Variants in FOXJ3 observed in about 807,000 individuals in gnomAD.
FOXJ3 encodes forkhead box protein J3.
Under a neutral mutation model 76.1 loss-of-function variants are expected in FOXJ3, and 22 were observed. That is an observed-to-expected ratio of 0.29 (90% CI 0.21 to 0.41). FOXJ3 has a LOEUF of 0.41. Among genes scored for constraint, FOXJ3 ranks in the 10% least tolerant of loss-of-function variants. The probability of loss-of-function intolerance (pLI) is 1.00; values close to 1 mark genes in which losing one functional copy is unlikely to be tolerated. For synonymous variants in FOXJ3, 269 were observed against 261.2 expected, an observed-to-expected ratio of 1.03 and a Z score of -0.29; for missense variants, 613 against 762.1, an observed-to-expected ratio of 0.80 and a Z score of 2.30.
At chr1:42,264,998 G>C (rs1328883493) in intron 4 of FOXJ3, 117 bp downstream of exon 4, 7 of 767,946 alleles carry the variant, frequency 9.1e-6, no homozygotes, top group South Asian at 5.6e-5. Flanking sequence ...AGAGCAGGGT[G>C]GGGGAGGACT....
intron 4 of FOXJ3, 84 bp from the exon 5 acceptor site, chr1:42,228,050 A>G: frequency 1.6e-6 from 1 of 629,794 alleles, no homozygotes; most frequent in East Asian, 3.1e-5. Flanking sequence ...TTGCATCAAA[A>G]GCAAACATTC....
At chr1:42,323,731 A>G (rs1372358987) in intron 1 of FOXJ3, 1 of 969,578 alleles carries the variant, frequency 1.0e-6, no homozygotes, top group African/African-American at 1.8e-5. Flanking sequence ...ATGCACAGGT[A>G]CTCAAGAGAT....
At chr1:42,323,768 A>T (rs1655569270) in intron 1 of FOXJ3, 28 of 733,930 alleles carry the variant, frequency 3.8e-5, no homozygotes, top group Non-Finnish European at 4.3e-5. Flanking sequence ...CCTTCAAATA[A>T]TTGAAGGATT....
chr1:42,235,074 T>C (rs906161924), intron 4 of FOXJ3, among the ~76,000 whole-genome samples: 3 of 152,308 alleles, frequency 2.0e-5, no homozygotes, highest in East Asian at 3.9e-4. Flanking sequence ...CCTGGCCGCT[T>C]TGTTTACCTA....
At chr1:42,311,013 A>G (rs202092582) in intron 2 of FOXJ3, 37 bp downstream of exon 2, 21 of 1,317,984 alleles carry the variant, frequency 1.6e-5, no homozygotes, top group Non-Finnish European at 1.9e-5. Context: ...TTAAAATGTT[A>G]TATGTTCTAA....
chr1:42,244,355 A>C (rs1649374551), intron 4 of FOXJ3, among the ~76,000 whole-genome samples: 1 of 152,200 alleles, frequency 6.6e-6, no homozygotes, highest in South Asian at 2.1e-4. Flanking sequence ...TCTCTAAAAG[A>C]ATATTTAAAA....
chr1:42,280,462 A>AAAC (rs1553166269), intron 2 of FOXJ3: 2 of 944,268 alleles, frequency 2.1e-6, no homozygotes, highest in Non-Finnish European at 2.5e-6. Context: ...AAAAAAAAAA[A>AAAC]AAAACTTACT....
At chr1:42,317,746 A>T (rs960561805) in intron 1 of FOXJ3, among the ~76,000 whole-genome samples, 1 of 152,134 alleles carries the variant, frequency 6.6e-6, no homozygotes, top group Non-Finnish European at 1.5e-5. Context: ...AGAAAAATAA[A>T]AGTTTAGCTA....
At chr1:42,180,411 A>G (rs669637) in intron 12 of FOXJ3, among the ~76,000 whole-genome samples, 151,128 of 152,292 alleles carry the variant, frequency 0.99, 75,005 homozygotes, top group East Asian at 1. Context: ...TGTGCTGTTT[A>G]TGCTCCCCAA....
intron 5 of FOXJ3, among the ~76,000 whole-genome samples, chr1:42,220,874 A>T (rs1647169280): frequency 6.6e-6 from 1 of 152,214 alleles, no homozygotes; most frequent in Non-Finnish European, 1.5e-5. Context: ...CATGGCAGAC[A>T]TCTTTTCCTT....
At chr1:42,209,763 C>T (rs1646930647) in intron 5 of FOXJ3, among the ~76,000 whole-genome samples, 2 of 152,186 alleles carry the variant, frequency 1.3e-5, no homozygotes, top group African/African-American at 4.8e-5. Context: ...ATTCCTAATC[C>T]TATCTCAGGG....
At chr1:42,327,594 T>C (rs1282591086) in intron 1 of FOXJ3, among the ~76,000 whole-genome samples, 1 of 152,230 alleles carries the variant, frequency 6.6e-6, no homozygotes, top group Non-Finnish European at 1.5e-5. Flanking sequence ...TCTAGCAGTC[T>C]TTCCTTTATT....
Position 42,321,537 on chromosome 1 carries a change from A to G in FOXJ3, c.-17-10427T>C, listed in dbSNP as rs555283667. Among the ~76,000 whole-genome samples, 12 of 152,320 alleles carry G rather than the reference A, an allele frequency of 7.9e-5. No homozygotes were observed. The South Asian group carries it at 2.5e-3, about 32-fold the overall frequency. On this transcript the variant is annotated intron_variant, in intron 1 of 12. Coordinates refer to ENST00000361346, the MANE Select transcript of FOXJ3 (RefSeq NM_014947.5). ...CTGACTCTAGAAAGGTAGGAAACAG[A>G]AGAACAGACCTGATGTATGTACCAG...
At chr1:42,236,714 T>C (rs1557662484) in intron 4 of FOXJ3, among the ~76,000 whole-genome samples, 1 of 152,250 alleles carries the variant, frequency 6.6e-6, no homozygotes, top group Non-Finnish European at 1.5e-5. Flanking sequence ...CCTATCATTG[T>C]GCATTTTCTA....
intron 1 of FOXJ3, among the ~76,000 whole-genome samples, chr1:42,322,499 T>C (rs941879869): frequency 6.6e-6 from 1 of 152,148 alleles, no homozygotes; most frequent in Non-Finnish European, 1.5e-5. Flanking sequence ...TCTTAATTTG[T>C]TGAATCTCGA....
intron 8 of FOXJ3, among the ~76,000 whole-genome samples, chr1:42,194,171 A>G (rs1318872542): frequency 6.6e-6 from 1 of 152,224 alleles, no homozygotes; most frequent in Non-Finnish European, 1.5e-5. Flanking sequence ...GTGCCAAACA[A>G]ACAAGTAATT....
intron 5 of FOXJ3, 82 bp downstream of exon 5, chr1:42,227,801 C>A (rs1647693440): frequency 7.3e-6 from 5 of 686,062 alleles, no homozygotes; most frequent in Non-Finnish European, 7.3e-6. Flanking sequence ...GTTACATGTG[C>A]TAGACTGGAA....
At chr1:42,185,219 C>T (rs1395217525) in intron 11 of FOXJ3, among the ~76,000 whole-genome samples, 8 of 151,420 alleles carry the variant, frequency 5.3e-5, no homozygotes, top group African/African-American at 1.9e-4. Flanking sequence ...TGCACTTAAA[C>T]CCTATGGAGA....
Position 42,227,913 on chromosome 1 carries a change from C to T in FOXJ3, c.498G>A (p.Arg166=). 1.3e-6 allele frequency: 2 copies of T among 1,578,660 alleles called. No homozygotes were observed. Among genetic ancestry groups the T allele is most frequent in the Non-Finnish European group, 8.7e-7 (1 of 1,155,108 alleles). Residue 166 remains arginine, a synonymous_variant, in exon 5 of 13, where the codon CGG becomes CGA. Coordinates refer to ENST00000361346, the MANE Select transcript of FOXJ3 (RefSeq NM_014947.5). ...CTACAGATCGTGCCCTCTTCTTTGG[C>T]CGAGTAGGCAGCACATCTTCCTTCG... The part of the protein sequence containing the change: ...TNPKEDVLPT[R]PKKRARSVER...
Sources: allele counts gnomAD v4.1 joint callset (sites outside exome capture counted in the v4.1 genomes callset), GRCh38; gene constraint gnomAD v4.1.1; transcripts MANE v1.5; gene names NCBI Gene and HGNC (gene_info 2026-07-23, HGNC 2026-07-21).